Variants in ATG10 observed in about 807,000 individuals in gnomAD.
The protein encoded by ATG10 is ubiquitin-like-conjugating enzyme ATG10.
ATG10 carries 30 observed loss-of-function variants against 32.1 expected under a neutral mutation model. That is an observed-to-expected ratio of 0.94 (90% CI 0.70 to 1.27). ATG10 has a LOEUF of 1.27. Among genes scored for constraint, ATG10 ranks in the 50% most tolerant of loss-of-function variants. The probability of loss-of-function intolerance (pLI) is 0.00; values close to 1 mark genes in which losing one functional copy is unlikely to be tolerated. For synonymous variants in ATG10, 87 were observed against 91.5 expected, an observed-to-expected ratio of 0.95 and a Z score of 0.28; for missense variants, 233 against 262.3, an observed-to-expected ratio of 0.89 and a Z score of 0.77.
chr5:81,981,837 AGT>A (rs1761056082), intron 1 of ATG10, among the ~76,000 whole-genome samples: 2 of 152,202 alleles, frequency 1.3e-5, no homozygotes, highest in Non-Finnish European at 2.9e-5. Flanking sequence ...CAGTATGGAG[AGT>A]GGTAGTGAAA....
intron 2 of ATG10, among the ~76,000 whole-genome samples, chr5:82,049,778 AC>A (rs924024095): frequency 8.5e-5 from 13 of 152,136 alleles, no homozygotes; most frequent in African/African-American, 2.9e-4. Flanking sequence ...GAAAATAAAA[AC>A]AAAAATTAGT....
chr5:81,973,430 T>C (rs1760784305), intron 1 of ATG10: 1 of 152,220 alleles, frequency 6.6e-6, no homozygotes, highest in Non-Finnish European at 1.5e-5. Context: ...GCCCGGCCAA[T>C]ATTAACCATT....
intron 3 of ATG10, among the ~76,000 whole-genome samples, chr5:82,149,481 A>G (rs1037972404): frequency 3.3e-5 from 5 of 152,098 alleles, no homozygotes; most frequent in South Asian, 2.1e-4. Context: ...TCATATGGTT[A>G]TTAACCACTT....
At chr5:81,984,051 G>C (rs927142879) in intron 1 of ATG10, among the ~76,000 whole-genome samples, 4 of 152,198 alleles carry the variant, frequency 2.6e-5, no homozygotes, top group Non-Finnish European at 4.4e-5. Context: ...CTGCAATCTC[G>C]GCACTTTGGG....
chr5:82,037,526 C>T (rs1204642279), intron 2 of ATG10, among the ~76,000 whole-genome samples: 4 of 151,580 alleles, frequency 2.6e-5, no homozygotes, highest in African/African-American at 9.7e-5. Flanking sequence ...GGATTACAGG[C>T]GTGAGCCACC....
chr5:82,036,366 G>T (rs1274018179), intron 2 of ATG10, among the ~76,000 whole-genome samples: 2 of 152,158 alleles, frequency 1.3e-5, no homozygotes, highest in Non-Finnish European at 2.9e-5. Context: ...GGCTGAGGCG[G>T]GCAGATCACC....
intron 5 of ATG10, among the ~76,000 whole-genome samples, chr5:82,206,508 G>C (rs1424497182): frequency 6.6e-6 from 1 of 152,042 alleles, no homozygotes; most frequent in Admixed American, 6.6e-5. Flanking sequence ...AAATTAGCCA[G>C]GCTTGGTGGC....
intron 1 of ATG10, among the ~76,000 whole-genome samples, chr5:81,978,002 ATATT>A (rs1458203225): frequency 1.3e-5 from 2 of 152,236 alleles, no homozygotes; most frequent in Non-Finnish European, 2.9e-5. Context: ...ACTTGGTAGT[ATATT>A]TTAAAGACAC....
intron 4 of ATG10, among the ~76,000 whole-genome samples, chr5:82,175,421 C>T (rs1309808632): frequency 1.3e-5 from 2 of 152,184 alleles, no homozygotes; most frequent in South Asian, 2.1e-4. Flanking sequence ...GCTGAGATTA[C>T]AGGCGTGAGC....
intron 1 of ATG10, among the ~76,000 whole-genome samples, chr5:81,982,862 G>A (rs1761097707): frequency 6.6e-6 from 1 of 152,234 alleles, no homozygotes; most frequent in South Asian, 2.1e-4. Flanking sequence ...ACATGTTTCA[G>A]AGAGCACAGG....
intron 2 of ATG10, among the ~76,000 whole-genome samples, chr5:82,003,558 A>T (rs1761908474): frequency 1.3e-5 from 2 of 152,240 alleles, no homozygotes; most frequent in Admixed American, 1.3e-4. Flanking sequence ...AAGATAAGAC[A>T]ATTTGAGTAC....
chr5:82,044,219 G>GGAGA (rs1320926529), intron 2 of ATG10, among the ~76,000 whole-genome samples: 1 of 152,048 alleles, frequency 6.6e-6, no homozygotes, highest in Non-Finnish European at 1.5e-5. Context: ...TGACAGAGCA[G>GGAGA]GAGAGAGAGC....
chr5:82,236,168 A>G (rs982774752), intron 5 of ATG10, among the ~76,000 whole-genome samples: 2 of 152,186 alleles, frequency 1.3e-5, no homozygotes, highest in Non-Finnish European at 2.9e-5. Context: ...CAGTCTTATC[A>G]TCATGCCTGA....
intron 3 of ATG10, among the ~76,000 whole-genome samples, chr5:82,076,327 A>G (rs1051765841): frequency 6.6e-6 from 1 of 152,176 alleles, no homozygotes; most frequent in Non-Finnish European, 1.5e-5. Context: ...ATTGAATGTT[A>G]TTATTTGTAC....
At chr5:81,977,283 G>A (rs1760898603) in intron 1 of ATG10, among the ~76,000 whole-genome samples, 1 of 152,184 alleles carries the variant, frequency 6.6e-6, no homozygotes, top group African/African-American at 2.4e-5. Context: ...AGGCCCTAGA[G>A]TTAAATTCTC....
At chr5:82,118,387 C>CATATATGTATATATATATATATAT (rs1765904294) in intron 3 of ATG10, among the ~76,000 whole-genome samples, 1 of 80,734 alleles carries the variant, frequency 1.2e-5, no homozygotes, top group Non-Finnish European at 2.5e-5. Flanking sequence ...AATATATGTA[C>CATATATGTATATATATATATATAT]ATATATATAT....
At chr5:82,086,503 G>A (rs1561291770) in intron 3 of ATG10, among the ~76,000 whole-genome samples, 2 of 152,148 alleles carry the variant, frequency 1.3e-5, no homozygotes, top group Non-Finnish European at 2.9e-5. Context: ...CCCCTACATG[G>A]CCTCTCTACA....
intron 2 of ATG10, among the ~76,000 whole-genome samples, chr5:82,012,900 C>T (rs2406910): frequency 0.63 from 95,875 of 151,860 alleles, 32,476 homozygotes; most frequent in East Asian, 0.99. Flanking sequence ...TCAAGCGATC[C>T]GCCTTCCGTG....
Position 82,067,900 on chromosome 5 carries a change from A to G in ATG10, c.216+9298A>G, listed in dbSNP as rs1414458400. 2.0e-5 allele frequency among the ~76,000 whole-genome samples: 3 copies of G among 152,150 alleles called. No individual in the cohort carries two copies. The East Asian group carries it at 5.8e-4, about 29-fold the overall frequency. ...GTAATTTTGAGGTATTTTTTTAAAA[A>G]TCAAAAGTAAGATCATTTCTAGCAG... On this transcript the variant is annotated intron_variant, in intron 3 of 7. Coordinates refer to ENST00000282185, the MANE Select transcript of ATG10 (RefSeq NM_031482.5).
Sources: gnomAD v4.1 joint callset for allele counts (sites outside exome capture counted in the v4.1 genomes callset) on GRCh38, gnomAD v4.1.1 for gene constraint, MANE v1.5 for transcripts, NCBI Gene and HGNC (gene_info 2026-07-23, HGNC 2026-07-21) for gene names.